Variants in PTPRK observed in about 807,000 individuals in gnomAD.
The protein encoded by PTPRK is protein tyrosine phosphatase receptor type K, also known as receptor-type tyrosine-protein phosphatase kappa.
A neutral mutation model predicts 178.0 loss-of-function variants in PTPRK; 75 were observed. The observed-to-expected ratio is 0.42, with a 90% CI of 0.35 to 0.51. The LOEUF (loss-of-function observed/expected upper bound fraction) is 0.51, where lower values mean the gene tolerates loss of function less well. PTPRK is among the 20% of genes least tolerant of loss of function. PTPRK has a pLI of 0.02. For missense variants in PTPRK, 1,441 were observed against 1,797.8 expected (o/e 0.80, Z 3.59); for synonymous variants, 637 against 620.6 (o/e 1.03, Z -0.39).
chr6:128,516,563 A>G (rs1858062330), intron 1 of PTPRK, among the ~76,000 whole-genome samples: 1 of 152,234 alleles, frequency 6.6e-6, no homozygotes, highest in Non-Finnish European at 1.5e-5. Context: ...CTAGCAGGTA[A>G]TAAGTATAAG....
intron 13 of PTPRK, among the ~76,000 whole-genome samples, chr6:128,050,724 T>G (rs1234794655): frequency 3.3e-5 from 5 of 152,320 alleles, no homozygotes; most frequent in South Asian, 2.1e-4. Context: ...TAAGTTTTTA[T>G]AGAAATAGGT....
At chr6:128,221,834 A>G (rs1454367614) in intron 5 of PTPRK, among the ~76,000 whole-genome samples, 3 of 151,730 alleles carry the variant, frequency 2.0e-5, no homozygotes, top group Non-Finnish European at 4.4e-5. Context: ...CCAAAAATAT[A>G]AATCCATAAA....
chr6:128,018,769 C>G (rs1008920557), intron 13 of PTPRK, among the ~76,000 whole-genome samples: 2 of 151,850 alleles, frequency 1.3e-5, no homozygotes, highest in African/African-American at 4.8e-5. Context: ...ATTTCTGCAC[C>G]ATAAATATTA....
intron 21 of PTPRK, 110 bp from the exon 22 acceptor site, chr6:127,985,985 C>T: frequency 9.2e-7 from 1 of 1,083,636 alleles, no homozygotes; most frequent in Non-Finnish European, 1.3e-6. Flanking sequence ...ACAATAAAAC[C>T]TTTACGAAAG....
chr6:128,465,175 T>C lies in PTPRK; in HGVS notation c.100+55084A>G, dbSNP rs370887927. On this transcript the variant is annotated intron_variant, in intron 1 of 29. Transcript: ENST00000368226. The stretch of plus-strand genomic sequence containing the variant: ...GACCCAGGGAAAGGTAGTGAAGATA[T>C]AGAAAAGCTTTACGTAAAAAAAGTC... Among the ~76,000 whole-genome samples the C allele has an allele frequency of 1.9e-4, 28 of 148,170 alleles. 4 individuals carry two copies. The highest frequency in any genetic ancestry group is 6.5e-4 in the African/African-American group (27 of 41,226).
intron 21 of PTPRK, among the ~76,000 whole-genome samples, chr6:127,987,072 C>G (rs1301432398): frequency 2.0e-5 from 3 of 151,876 alleles, no homozygotes; most frequent in Non-Finnish European, 4.4e-5. Context: ...ATACTTTACT[C>G]CTTCTATATT....
chr6:128,463,983 G>A (rs774071331), intron 1 of PTPRK, among the ~76,000 whole-genome samples: 2 of 151,624 alleles, frequency 1.3e-5, no homozygotes, highest in Admixed American at 6.6e-5. Context: ...TCGAACTCCC[G>A]ACCTCAGGCG....
At position 127,973,768 on chromosome 6, in the gene PTPRK, T is replaced by G; in HGVS notation, c.4029A>C (p.Arg1343=). The change falls in exon 28 of 30, where the codon CGA becomes CGC. Residue 1343 remains arginine, a synonymous_variant. Transcript: ENST00000368226. The part of the protein sequence containing the change: ...QFQYLGWASH[R]EVPGSKRSFL... The stretch of plus-strand genomic sequence containing the variant: ...ATGACCTTTTGGATCCAGGCACTTC[T>G]CGATGAGAAGCCCATCCTAGGTACT... 6.2e-7 allele frequency: 1 copy of G among 1,614,054 alleles called. No individual in the cohort carries two copies.
chr6:128,437,679 G>A (rs1845769861), intron 1 of PTPRK, among the ~76,000 whole-genome samples: 1 of 152,210 alleles, frequency 6.6e-6, no homozygotes, highest in African/African-American at 2.4e-5. Context: ...AGATGTTCTT[G>A]CTAGAAAGAA....
chr6:128,166,906 T>C (rs1222286599), intron 7 of PTPRK, among the ~76,000 whole-genome samples: 2 of 151,822 alleles, frequency 1.3e-5, no homozygotes, highest in Admixed American at 1.3e-4. Context: ...TGAATAACAT[T>C]TTATATTCTA....
At chr6:128,480,412 G>A (rs1021602992) in intron 1 of PTPRK, among the ~76,000 whole-genome samples, 1 of 148,778 alleles carries the variant, frequency 6.7e-6, no homozygotes, top group Non-Finnish European at 1.5e-5. Context: ...AGTTATTTGT[G>A]ACTCTTTCTC....
At chr6:128,472,260 CG>C (rs1368315354) in intron 1 of PTPRK, among the ~76,000 whole-genome samples, 2 of 152,142 alleles carry the variant, frequency 1.3e-5, no homozygotes, top group Middle Eastern at 3.4e-3. Context: ...CTCAGAAGCC[CG>C]GTTGTGTTGC....
At chr6:128,232,468 C>G (rs1168240626) in intron 5 of PTPRK, among the ~76,000 whole-genome samples, 1 of 152,144 alleles carries the variant, frequency 6.6e-6, no homozygotes. Flanking sequence ...TGCTTGGATA[C>G]TTGGACTAAT....
intron 1 of PTPRK, among the ~76,000 whole-genome samples, chr6:128,420,338 T>C (rs1030012188): frequency 9.2e-5 from 14 of 152,222 alleles, no homozygotes; most frequent in African/African-American, 2.9e-4. Context: ...GGCGGTAAAC[T>C]GAATTATTTG....
At chr6:128,429,444 C>T (rs1427734829) in intron 1 of PTPRK, among the ~76,000 whole-genome samples, 3 of 152,120 alleles carry the variant, frequency 2.0e-5, no homozygotes, top group African/African-American at 4.8e-5. Context: ...TTCCAAGCAA[C>T]TGAGCTAATG....
At chr6:128,036,122 G>C (rs1303581799) in intron 13 of PTPRK, among the ~76,000 whole-genome samples, 2 of 152,146 alleles carry the variant, frequency 1.3e-5, no homozygotes, top group African/African-American at 4.8e-5. Flanking sequence ...GGTCTGAATA[G>C]GGTTGGGAAA....
chr6:128,203,070 G>A (rs762692323), intron 6 of PTPRK, among the ~76,000 whole-genome samples: 3 of 152,148 alleles, frequency 2.0e-5, no homozygotes, highest in African/African-American at 7.2e-5. Flanking sequence ...GATCAAGTTG[G>A]CTTCTTCCCC....
chr6:128,240,133 G>A lies in PTPRK; in HGVS notation c.595C>T (p.Leu199Phe). ...TTCACCTCTACATCCCCTAGACGGA[G>A]GAAATGAGGAGATTTATCTGTGAAG... Reference protein sequence around the residue: ...SYPCDKSPHFLRLGDVEVNAG... With the variant: ...SYPCDKSPHFFRLGDVEVNAG... The change falls in exon 5 of 30, where the codon CTC becomes TTC. Residue 199 changes from leucine to phenylalanine, a missense_variant. Around this residue, in one of 4 missense-constraint regions of PTPRK, gnomAD observed 945 missense variants for 1,080.6 expected, o/e 0.87. Coordinates refer to ENST00000368226, the MANE Select transcript of PTPRK (RefSeq NM_002844.4). 2 of 1,612,194 alleles carry A rather than the reference G, an allele frequency of 1.2e-6. No homozygotes were observed. Among genetic ancestry groups the A allele is most frequent in the African/African-American group, 1.3e-5 (1 of 74,872 alleles).
intron 7 of PTPRK, among the ~76,000 whole-genome samples, chr6:128,149,914 T>C (rs1025620388): frequency 1.3e-5 from 2 of 152,188 alleles, no homozygotes; most frequent in Non-Finnish European, 2.9e-5. Context: ...TAATTGTAGA[T>C]GTTCACTATG....
Sources: gnomAD v4.1 joint callset for allele counts (sites outside exome capture counted in the v4.1 genomes callset) on GRCh38, gnomAD v4.1.1 for gene constraint, gnomAD v4.1.1 regional missense constraint, MANE v1.5 for transcripts, NCBI Gene and HGNC (gene_info 2026-07-23, HGNC 2026-07-21) for gene names.